OLFM1: variants seen among roughly 807,000 people sequenced by gnomAD.
OLFM1 encodes olfactomedin 1.
In OLFM1, 9 loss-of-function variants were observed where a neutral mutation model predicts 49.7. The observed-to-expected ratio is 0.18, with a 90% CI of 0.11 to 0.32. OLFM1 has a LOEUF of 0.32. Ranked by LOEUF, OLFM1 falls within the 10% of genes least tolerant of loss-of-function variation. The pLI is 1.00. For missense variants in OLFM1, 369 were observed against 661.8 expected (o/e 0.56, Z 4.85); for synonymous variants, 240 against 271.8 (o/e 0.88, Z 1.15).
At chr9:135,077,120 C>T (rs1405960995) in intron 1 of OLFM1, 1 of 1,550,444 alleles carries the variant, frequency 6.4e-7, no homozygotes, top group Non-Finnish European at 8.7e-7. Context: ...TGGTTGTGCA[C>T]TGTTGCTGGA....
intron 5 of OLFM1, among the ~76,000 whole-genome samples, chr9:135,114,737 G>A (rs970648240): frequency 3.3e-5 from 5 of 152,106 alleles, no homozygotes; most frequent in African/African-American, 4.8e-5. Context: ...TTTGGGATCA[G>A]AAAGGGTGTG....
rs1034697170 is a variant in OLFM1 at position 135,088,903 on chromosome 9, G to A, written c.150+764G>A. Reference sequence around the variant, plus strand: ...GCCTAGCGGGAGGGGAACCGTGGCCGGGGCTGCTTCTGGGCAGAGCTGACT... The same window carrying A: ...GCCTAGCGGGAGGGGAACCGTGGCCAGGGCTGCTTCTGGGCAGAGCTGACT... On this transcript the variant is annotated intron_variant, in intron 1 of 5. Transcript: ENST00000371793. This position sits in a 1 kb window ranked among gnomAD's most constrained non-coding sequence, Gnocchi z 4.8. Among the ~76,000 whole-genome samples the A allele has an allele frequency of 5.9e-5, 9 of 152,206 alleles. No individual in the cohort carries two copies. The highest frequency in any genetic ancestry group is 3.3e-4 in the Admixed American group (5 of 15,278).
At chr9:135,078,742 A>G (rs995354249) in intron 1 of OLFM1, among the ~76,000 whole-genome samples, 1 of 152,190 alleles carries the variant, frequency 6.6e-6, no homozygotes, top group Non-Finnish European at 1.5e-5. Context: ...GCCCACCGCC[A>G]CACCCCCCAG....
At chr9:135,083,463 C>G (rs914114974), upstream of OLFM1, among the ~76,000 whole-genome samples, 4 of 152,156 alleles carry the variant, frequency 2.6e-5, no homozygotes, top group African/African-American at 9.7e-5. Flanking sequence ...AAGAGCTGGA[C>G]ACGAGGCCAA....
At chr9:135,083,248 C>T (rs1397982049), upstream of OLFM1, among the ~76,000 whole-genome samples, 1 of 152,222 alleles carries the variant, frequency 6.6e-6, no homozygotes, top group African/African-American at 2.4e-5. Context: ...CAAAGTACCA[C>T]TCCCAGAATT....
intron 5 of OLFM1, among the ~76,000 whole-genome samples, chr9:135,115,943 G>A (rs190850841): frequency 7.9e-5 from 12 of 152,348 alleles, no homozygotes; most frequent in African/African-American, 2.6e-4. Flanking sequence ...GCCTGGTTCC[G>A]CTCTTGGCCT....
intron 5 of OLFM1, among the ~76,000 whole-genome samples, chr9:135,109,316 C>T (rs144829880): frequency 0.016 from 2,457 of 152,332 alleles, 25 homozygotes; most frequent in Non-Finnish European, 0.024. Context: ...CACAGCGCAG[C>T]GAGGGTGTGG....
upstream of OLFM1, chr9:135,087,411 G>GC: frequency 6.5e-7 from 1 of 1,546,180 alleles, no homozygotes; most frequent in Non-Finnish European, 8.7e-7. Flanking sequence ...CGCGGGCCGT[G>GC]CCCCCAGCTG....
chr9:135,089,661 C>A (rs1830653060), intron 1 of OLFM1, among the ~76,000 whole-genome samples: 1 of 152,330 alleles, frequency 6.6e-6, no homozygotes, highest in Admixed American at 6.5e-5. Flanking sequence ...TTCATCACAG[C>A]TCTGGGCGAA....
At position 135,121,154 on chromosome 9, in the gene OLFM1, A is replaced by G. The variant is rs780401278; in HGVS notation, c.*976A>G. On this transcript the variant is annotated 3_prime_UTR_variant, in exon 6 of 6. Coordinates refer to ENST00000371793, the MANE Select transcript of OLFM1 (RefSeq NM_001282611.2). Reference sequence around the variant, plus strand: ...CAAACTTTGTACTATCCAGTTATCTAAGGAACAATAAAAACATTAGGAGAT... The same window carrying G: ...CAAACTTTGTACTATCCAGTTATCTGAGGAACAATAAAAACATTAGGAGAT... The G allele has an allele frequency of 6.6e-6, 1 of 152,230 alleles. No individual in the cohort carries two copies. Among genetic ancestry groups the G allele is most frequent in the Non-Finnish European group, 1.5e-5 (1 of 68,038 alleles). 9.4% of individuals were successfully genotyped at this position (152,230 alleles called of 1,614,324 possible).
Position 135,091,609 on chromosome 9 carries a change from TCA to T in OLFM1, c.300+1270_300+1271del, listed in dbSNP as rs1247865038. 8.6e-4 allele frequency among the ~76,000 whole-genome samples: 64 copies of T among 74,454 alleles called. 2 individuals carry two copies. Among genetic ancestry groups the T allele is most frequent in the African/African-American group, 2.7e-3 (48 of 17,592 alleles). The allele number at this position is 74,454 out of a possible 152,430, so 48.8% of individuals were successfully genotyped here. A position where few individuals can be genotyped will look rare whatever the true frequency, so the allele number is the denominator to read the frequency against. On this transcript the variant is annotated intron_variant, in intron 2 of 5. Transcript: ENST00000371793. ...CTCACAGTCACACACTCACACATAG[TCA>T]CACAGTCACACACACTCACATAGTC...
In OLFM1 at chr9:135,076,528, T is replaced by A. The variant is rs113689922; in HGVS notation, c.96+726T>A. ...CCATTTTAAAGATGCATATTGGAGCTGGCAGGTCTTGGGGGAGGAGAAGGG... is the reference window on the plus strand; with the variant it reads ...CCATTTTAAAGATGCATATTGGAGCAGGCAGGTCTTGGGGGAGGAGAAGGG... On this transcript the variant is annotated intron_variant, in intron 1 of 5. Transcript: ENST00000252854. The A allele has an allele frequency of 4.3e-5, 52 of 1,219,194 alleles. 3 individuals carry two copies. The African/African-American group carries it at 7.2e-4, about 17-fold the overall frequency. 75.5% of individuals were successfully genotyped at this position (1,219,194 alleles called of 1,614,324 possible).
chr9:135,093,786 T>C (rs1207823317), intron 2 of OLFM1, among the ~76,000 whole-genome samples: 1 of 152,186 alleles, frequency 6.6e-6, no homozygotes, highest in East Asian at 1.9e-4. Flanking sequence ...GGGTGCGTGA[T>C]TGCAGTCCTA....
At chr9:135,099,182 A>G (rs1830838259) in intron 4 of OLFM1, among the ~76,000 whole-genome samples, 1 of 152,264 alleles carries the variant, frequency 6.6e-6, no homozygotes. Context: ...CTGCTTTTAA[A>G]TAGCACATTT....
chr9:135,114,710 G>C (rs372654882), intron 5 of OLFM1, among the ~76,000 whole-genome samples: 1 of 152,050 alleles, frequency 6.6e-6, no homozygotes, highest in East Asian at 1.9e-4. Flanking sequence ...GGGCTGGCTG[G>C]GCAGCAGAGT....
At position 135,088,396 on chromosome 9, in the gene OLFM1, C is replaced by A. The variant is rs987386003; in HGVS notation, c.150+257C>A. Among the ~76,000 whole-genome samples, 2 of 151,800 alleles carry A rather than the reference C, an allele frequency of 1.3e-5. No homozygotes were observed. Among genetic ancestry groups the A allele is most frequent in the African/African-American group, 4.8e-5 (2 of 41,356 alleles). On this transcript the variant is annotated intron_variant, in intron 1 of 5. Transcript: ENST00000371793. This position sits in a 1 kb window ranked among gnomAD's most constrained non-coding sequence, Gnocchi z 4.8. ...CGGCGTTTCCTTCGTCTGGGCCCCT[C>A]GCCGCGGGGCCGGGGGAGCTTGGTG...
rs996352998 is a variant in OLFM1, at chr9:135,080,853, G to A, written c.96+5051G>A. Among the ~76,000 whole-genome samples, 5 of 152,090 alleles carry A rather than the reference G, an allele frequency of 3.3e-5. No homozygotes were observed. Among genetic ancestry groups the A allele is most frequent in the African/African-American group, 9.7e-5 (4 of 41,414 alleles). ...ACCCTGCACGCTCGGAAACCTCAGC[G>A]CTGTCCCGACTGGCACCGCAGGGCG... On this transcript the variant is annotated intron_variant, in intron 1 of 5. Transcript: ENST00000252854. This position sits in a 1 kb window ranked among gnomAD's most constrained non-coding sequence, Gnocchi z 4.5.
intron 2 of OLFM1, among the ~76,000 whole-genome samples, chr9:135,092,209 C>T (rs1191624781): frequency 6.6e-6 from 1 of 152,180 alleles, no homozygotes; most frequent in African/African-American, 2.4e-5. Context: ...AAGCAAGTCC[C>T]CTTCCTTGGA....
chr9:135,103,187 C>G (rs1003963037), intron 4 of OLFM1, among the ~76,000 whole-genome samples: 1 of 152,210 alleles, frequency 6.6e-6, no homozygotes, highest in African/African-American at 2.4e-5. Flanking sequence ...GGCCAGCCCT[C>G]TCCTGCCTCT....
Sources: allele counts gnomAD v4.1 joint callset (sites outside exome capture counted in the v4.1 genomes callset), GRCh38; gene constraint gnomAD v4.1.1; non-coding constraint Gnocchi (gnomAD v3.1); transcripts MANE v1.5; gene names NCBI Gene and HGNC (gene_info 2026-07-23, HGNC 2026-07-21).